The following CDH13 variants were observed in gnomAD, a reference collection of about 807,000 sequenced individuals.
The protein encoded by CDH13 is cadherin 13, also known as cadherin-13.
CDH13 carries 24 observed loss-of-function variants against 63.8 expected under a neutral mutation model. The observed-to-expected ratio is 0.38, with a 90% confidence interval of 0.27 to 0.53. CDH13 has a LOEUF of 0.53. CDH13 is among the 20% of genes least tolerant of loss of function. The pLI, the probability that CDH13 is intolerant of heterozygous loss-of-function variation, is 0.85. For synonymous variants in CDH13, 503 were observed against 355.3 expected (o/e 1.42, Z -4.67); for missense variants, 1,049 against 903.1 (o/e 1.16, Z -2.07).
chr16:83,538,217 C>G (rs544284968), intron 7 of CDH13, among the ~76,000 whole-genome samples: 1 of 152,300 alleles, frequency 6.6e-6, no homozygotes, highest in Admixed American at 6.5e-5. Flanking sequence ...GAAGCTCTGC[C>G]TCTTGTTGCT....
chr16:82,744,712 A>G (rs975368935), intron 1 of CDH13, among the ~76,000 whole-genome samples: 2 of 152,174 alleles, frequency 1.3e-5, no homozygotes, highest in African/African-American at 4.8e-5. Flanking sequence ...TAGGCACTGC[A>G]GTGAATACTT....
chr16:82,926,742 G>A (rs1639691231), intron 2 of CDH13, among the ~76,000 whole-genome samples: 1 of 152,188 alleles, frequency 6.6e-6, no homozygotes, highest in Non-Finnish European at 1.5e-5. Flanking sequence ...AGCAGTGTGA[G>A]GCATGGACAG....
At chr16:83,439,159 T>C (rs1016914466) in intron 6 of CDH13, among the ~76,000 whole-genome samples, 9 of 152,216 alleles carry the variant, frequency 5.9e-5, no homozygotes, top group African/African-American at 1.7e-4. Flanking sequence ...ATCAGAGTAA[T>C]AATAGTAATA....
chr16:83,659,761 T>A (rs1269826059), intron 8 of CDH13, among the ~76,000 whole-genome samples: 1 of 151,044 alleles, frequency 6.6e-6, no homozygotes, highest in African/African-American at 2.4e-5. Context: ...AAGGTACCCA[T>A]GAGTTAGAGC....
chr16:83,261,521 A>G (rs1424002478), intron 5 of CDH13, among the ~76,000 whole-genome samples: 1 of 152,026 alleles, frequency 6.6e-6, no homozygotes, highest in Non-Finnish European at 1.5e-5. Context: ...TGTTCTGGAA[A>G]GTATCTATTA....
chr16:83,054,424 C>T (rs2030711189), intron 3 of CDH13, among the ~76,000 whole-genome samples: 1 of 152,178 alleles, frequency 6.6e-6, no homozygotes, highest in Non-Finnish European at 1.5e-5. Context: ...GCACTGATAT[C>T]TCAGCAGTTG....
chr16:82,719,731 G>T (rs192071934), intron 1 of CDH13, among the ~76,000 whole-genome samples: 2 of 151,086 alleles, frequency 1.3e-5, no homozygotes, highest in African/African-American at 4.9e-5. Flanking sequence ...CTATAATCCC[G>T]GCTACTCGGG....
intron 7 of CDH13, among the ~76,000 whole-genome samples, chr16:83,572,797 A>T (rs1158954670): frequency 6.6e-6 from 1 of 152,190 alleles, no homozygotes; most frequent in Non-Finnish European, 1.5e-5. Flanking sequence ...TCTCCTATAA[A>T]TTTCAGTAAT....
intron 5 of CDH13, among the ~76,000 whole-genome samples, chr16:83,255,334 G>C (rs559145894): frequency 1.3e-5 from 2 of 152,116 alleles, no homozygotes; most frequent in Non-Finnish European, 1.5e-5. Flanking sequence ...TTTGAACTAC[G>C]GCTGGTTGCA....
intron 5 of CDH13, among the ~76,000 whole-genome samples, chr16:83,307,346 G>A (rs576064495): frequency 6.6e-6 from 1 of 152,078 alleles, no homozygotes; most frequent in Non-Finnish European, 1.5e-5. Context: ...CCTTCTCCTG[G>A]GAAGATAAAG....
intron 4 of CDH13, among the ~76,000 whole-genome samples, chr16:83,212,652 C>T (rs937047283): frequency 1.3e-5 from 2 of 152,134 alleles, no homozygotes; most frequent in African/African-American, 2.4e-5. Flanking sequence ...CAAACAGTAG[C>T]GGTGGAAACC....
chr16:82,799,585 C>T (rs184895708), intron 1 of CDH13, among the ~76,000 whole-genome samples: 1 of 152,168 alleles, frequency 6.6e-6, no homozygotes, highest in Admixed American at 6.5e-5. Flanking sequence ...AAAACTCTTA[C>T]TTAGTATTAG....
At chr16:83,166,555 G>C (rs1267785072) in intron 4 of CDH13, among the ~76,000 whole-genome samples, 1 of 152,070 alleles carries the variant, frequency 6.6e-6, no homozygotes, top group African/African-American at 2.4e-5. Context: ...TTCTGAGCCA[G>C]CTTCCATTGA....
chr16:82,947,097 G>C (rs891246436), intron 2 of CDH13, among the ~76,000 whole-genome samples: 13 of 149,828 alleles, frequency 8.7e-5, no homozygotes, highest in African/African-American at 2.9e-4. Context: ...TCCTCTCTCT[G>C]ATTACTGTCA....
chr16:83,066,346 G>C (rs547440444), intron 3 of CDH13, among the ~76,000 whole-genome samples: 1 of 151,992 alleles, frequency 6.6e-6, no homozygotes, highest in African/African-American at 2.4e-5. Flanking sequence ...CTTGTTTTTC[G>C]GAGACATGCA....
chr16:83,435,021 A>G (rs1428309345), intron 6 of CDH13, among the ~76,000 whole-genome samples: 8 of 133,996 alleles, frequency 6.0e-5, no homozygotes, highest in Non-Finnish European at 8.0e-5. Context: ...ACACACACAT[A>G]TATGAAGGAA....
rs1053374649 is a variant in CDH13, at chr16:83,623,986, C to A, written c.1101+21392C>A. ...GAAATCCACTTTCAACCAGCAGAAA[C>A]GAATTTCCTGGAAGGCATTGGTACT... On this transcript the variant is annotated intron_variant, in intron 8 of 13. Coordinates refer to ENST00000567109, the MANE Select transcript of CDH13 (RefSeq NM_001257.5). 2.6e-5 allele frequency among the ~76,000 whole-genome samples: 4 copies of A among 152,300 alleles called. No homozygotes were observed. The East Asian group carries it at 5.8e-4, about 22-fold the overall frequency.
chr16:83,208,830 G>A (rs1433619937), intron 4 of CDH13, among the ~76,000 whole-genome samples: 1 of 152,198 alleles, frequency 6.6e-6, no homozygotes, highest in African/African-American at 2.4e-5. Flanking sequence ...CATCAATCTG[G>A]TTGGATGTGA....
At chr16:83,789,545 C>T (rs1323610383) in intron 13 of CDH13, among the ~76,000 whole-genome samples, 1 of 152,022 alleles carries the variant, frequency 6.6e-6, no homozygotes, top group East Asian at 1.9e-4. Flanking sequence ...GACAGGGTTT[C>T]GCCATGTTGG....
Sources: allele counts gnomAD v4.1 joint callset (sites outside exome capture counted in the v4.1 genomes callset), GRCh38; gene constraint gnomAD v4.1.1; transcripts MANE v1.5; gene names NCBI Gene and HGNC (gene_info 2026-07-23, HGNC 2026-07-21).